The following ITGA2 variants were observed in gnomAD, a reference collection of about 807,000 sequenced individuals.
The protein encoded by ITGA2 is integrin subunit alpha 2, also known as integrin alpha-2.
Under a neutral mutation model 146.3 loss-of-function variants are expected in ITGA2, and 101 were observed. The observed-to-expected ratio is 0.69, with a 90% CI of 0.59 to 0.81. ITGA2 has a LOEUF of 0.81. ITGA2 is among the 40% of genes least tolerant of loss of function. ITGA2 has a pLI of 0.00. For synonymous variants in ITGA2, 477 were observed against 487.1 expected (o/e 0.98, Z 0.27); for missense variants, 1,281 against 1,402.7 (o/e 0.91, Z 1.39).
intron 1 of ITGA2, among the ~76,000 whole-genome samples, chr5:53,022,211 T>C (rs1455041791): frequency 9.0e-6 from 1 of 111,606 alleles, no homozygotes; most frequent in Admixed American, 8.4e-5. Context: ...TCACTGCATT[T>C]TTTTTTTTGG....
intron 1 of ITGA2, among the ~76,000 whole-genome samples, chr5:53,006,818 G>A (rs775414704): frequency 8.5e-5 from 13 of 152,088 alleles, no homozygotes; most frequent in Non-Finnish European, 1.6e-4. Context: ...TAAGGTCACC[G>A]TCTCTTTTCT....
At chr5:53,083,703 ACAT>A (rs1043659686) in intron 27 of ITGA2, among the ~76,000 whole-genome samples, 3 of 152,206 alleles carry the variant, frequency 2.0e-5, no homozygotes, top group African/African-American at 7.2e-5. Flanking sequence ...GCGACCTACC[ACAT>A]CAATGGGAAT....
chr5:53,014,106 G>A (rs1045363088), intron 1 of ITGA2, among the ~76,000 whole-genome samples: 2 of 151,996 alleles, frequency 1.3e-5, no homozygotes, highest in African/African-American at 4.8e-5. Flanking sequence ...TCTCTTGTTT[G>A]ATTGCTTTGG....
chr5:53,018,128 G>T (rs1013231460), intron 1 of ITGA2, among the ~76,000 whole-genome samples: 2 of 152,158 alleles, frequency 1.3e-5, no homozygotes, highest in Non-Finnish European at 2.9e-5. Flanking sequence ...GAGATGCTCA[G>T]ATAGGACTGG....
At position 53,088,313 on chromosome 5, in the gene ITGA2, A is replaced by G. The variant is rs557922554; in HGVS notation, c.3348+1272A>G. Among the ~76,000 whole-genome samples, 13 of 152,242 alleles carry G rather than the reference A, an allele frequency of 8.5e-5. 1 individual carries two copies. In the South Asian group the frequency reaches 2.7e-3, roughly 32 times the overall value. On this transcript the variant is annotated intron_variant, in intron 28 of 29. Transcript: ENST00000296585. ...AATAAATCCATTAGATTCCTCTTTT[A>G]TTGGTTTCCTCTGAGCAATACTAAT...
intron 27 of ITGA2, among the ~76,000 whole-genome samples, chr5:53,084,793 C>CT (rs1214524257): frequency 5.5e-5 from 7 of 127,398 alleles, no homozygotes; most frequent in Non-Finnish European, 1.1e-4. Flanking sequence ...GGAAGGAACA[C>CT]TGACTGTTGC....
At chr5:53,000,732 CT>C (rs1364624319) in intron 1 of ITGA2, among the ~76,000 whole-genome samples, 2 of 152,036 alleles carry the variant, frequency 1.3e-5, no homozygotes, top group East Asian at 3.9e-4. Context: ...CCCTTCACAA[CT>C]TTTGTAAAGT....
intron 2 of ITGA2, among the ~76,000 whole-genome samples, chr5:53,033,582 AT>A (rs1433622133): frequency 6.6e-6 from 1 of 151,932 alleles, no homozygotes; most frequent in African/African-American, 2.4e-5. Flanking sequence ...CTTATATCTT[AT>A]TTAATTAAAT....
intron 1 of ITGA2, among the ~76,000 whole-genome samples, chr5:53,004,351 C>T (rs1000639589): frequency 7.2e-5 from 11 of 152,020 alleles, no homozygotes; most frequent in Non-Finnish European, 1.6e-4. Flanking sequence ...CTTGTTGGGT[C>T]ATTGGGAAGA....
rs2974976 is a variant in ITGA2, at chr5:53,050,366, G to T, written c.631-1045G>T. Among the ~76,000 whole-genome samples, 7 of 151,980 alleles carry T rather than the reference G, an allele frequency of 4.6e-5. No homozygotes were observed. The East Asian group carries it at 7.7e-4, about 17-fold the overall frequency. Reference sequence around the variant, plus strand: ...CACACAGAAGTCCTGGGGCTCTGTCGTGGGATTACTACCATCTTCCTCTCG... The same window carrying T: ...CACACAGAAGTCCTGGGGCTCTGTCTTGGGATTACTACCATCTTCCTCTCG... On this transcript the variant is annotated intron_variant, in intron 6 of 29. Transcript: ENST00000296585.
At chr5:53,042,589 C>A (rs146617581) in intron 3 of ITGA2, among the ~76,000 whole-genome samples, 3 of 152,120 alleles carry the variant, frequency 2.0e-5, no homozygotes, top group Non-Finnish European at 4.4e-5. Flanking sequence ...AACATCAGTA[C>A]AAGGGCTGAG....
At chr5:53,039,353 A>G (rs1018992500) in intron 2 of ITGA2, among the ~76,000 whole-genome samples, 3 of 152,228 alleles carry the variant, frequency 2.0e-5, no homozygotes, top group Non-Finnish European at 4.4e-5. Context: ...GCAGAGGCTG[A>G]GAAAGGAACA....
At chr5:53,008,959 A>G (rs1741989127) in intron 1 of ITGA2, among the ~76,000 whole-genome samples, 1 of 152,254 alleles carries the variant, frequency 6.6e-6, no homozygotes, top group Admixed American at 6.5e-5. Context: ...GAGTATGAGC[A>G]TGTGTCTATC....
intron 19 of ITGA2, among the ~76,000 whole-genome samples, 181 bp from the exon 20 acceptor site, chr5:53,072,937 A>G (rs1055192289): frequency 9.2e-5 from 14 of 151,864 alleles, no homozygotes; most frequent in Non-Finnish European, 1.5e-4. Flanking sequence ...GAACAATCCA[A>G]TTGCATTTAC....
intron 21 of ITGA2, 145 bp from the exon 22 acceptor site, chr5:53,074,916 A>G (rs1228265880): frequency 9.2e-6 from 6 of 652,450 alleles, no homozygotes; most frequent in African/African-American, 1.8e-5. Context: ...ACAAATAAAG[A>G]TATTCCACAA....
Position 53,090,401 on chromosome 5 carries a change from C to T in ITGA2, c.3466-118C>T, listed in dbSNP as rs875657. The T allele has an allele frequency of 0.093, 77,495 of 837,254 alleles. 4,171 individuals carry two copies. Among genetic ancestry groups the T allele is most frequent in the African/African-American group, 0.19 (11,100 of 59,750 alleles). The allele number at this position is 837,254 out of a possible 1,614,324, so 51.9% of individuals were successfully genotyped here. Reference sequence around the variant, plus strand: ...TCAGGTCATCAGTCTGCACACCTCCCTTCAGAGCCTCAGGGATTCCCAGAG... The same window carrying T: ...TCAGGTCATCAGTCTGCACACCTCCTTTCAGAGCCTCAGGGATTCCCAGAG... On this transcript the variant is annotated intron_variant, in intron 29 of 29. Coordinates refer to ENST00000296585, the MANE Select transcript of ITGA2 (RefSeq NM_002203.4).
intron 1 of ITGA2, among the ~76,000 whole-genome samples, chr5:53,014,464 G>T (rs1742306506): frequency 6.6e-6 from 1 of 152,098 alleles, no homozygotes; most frequent in Non-Finnish European, 1.5e-5. Context: ...TGATCATGGT[G>T]GATTAGCTTT....
chr5:53,061,296 A>G (rs1744897691), intron 12 of ITGA2, among the ~76,000 whole-genome samples: 1 of 151,938 alleles, frequency 6.6e-6, no homozygotes, highest in Non-Finnish European at 1.5e-5. Flanking sequence ...TTGAGCTGTC[A>G]TTAAAACTCA....
At chr5:53,085,928 A>C (rs1484895241) in intron 27 of ITGA2, among the ~76,000 whole-genome samples, 3 of 151,944 alleles carry the variant, frequency 2.0e-5, no homozygotes, top group African/African-American at 7.3e-5. Flanking sequence ...TTTTTCCCCC[A>C]GACAGAGCCT....
Sources: allele counts gnomAD v4.1 joint callset (sites outside exome capture counted in the v4.1 genomes callset), GRCh38; gene constraint gnomAD v4.1.1; transcripts MANE v1.5; gene names NCBI Gene and HGNC (gene_info 2026-07-23, HGNC 2026-07-21).